ITGB1: variants seen among roughly 807,000 people sequenced by gnomAD.
The protein encoded by ITGB1 is integrin subunit beta 1.
A neutral mutation model predicts 86.5 loss-of-function variants in ITGB1; 24 were observed. The ratio of observed to expected loss-of-function variants is 0.28; its 90% CI spans 0.20 to 0.39. The LOEUF (loss-of-function observed/expected upper bound fraction) is 0.39, where lower values mean the gene tolerates loss of function less well. ITGB1 is among the 10% of genes least tolerant of loss of function. The pLI is 1.00. For synonymous variants in ITGB1, 323 were observed against 316.8 expected, an observed-to-expected ratio of 1.02 and a Z score of -0.21; for missense variants, 556 against 946.9, an observed-to-expected ratio of 0.59 and a Z score of 5.42.
At chr10:32,919,278 A>G (rs578162540) in intron 11 of ITGB1, among the ~76,000 whole-genome samples, 60 of 152,334 alleles carry the variant, frequency 3.9e-4, no homozygotes, top group Non-Finnish European at 6.6e-4. Context: ...TATTCAATGT[A>G]TACTCAGTTT....
chr10:32,906,502 A>C, intron 15 of ITGB1: 1 of 225,178 alleles, frequency 4.4e-6, no homozygotes, highest in South Asian at 4.3e-5. Context: ...AGGCAGGAGA[A>C]TTGCTGGAAT....
intron 3 of ITGB1, among the ~76,000 whole-genome samples, chr10:32,931,296 C>G (rs902679958): frequency 6.6e-6 from 1 of 151,962 alleles, no homozygotes; most frequent in Non-Finnish European, 1.5e-5. Flanking sequence ...ATTCAGAAAG[C>G]CTTTAAAATT....
rs377042646 is a variant in ITGB1, at chr10:32,911,967, T to C, written c.1627A>G (p.Asn543Asp). ...CGQCVCRKRD[N>D]TNEIYSGKFC... Reference sequence around the variant, plus strand: ...TTGCCAGAATAAATTTCATTTGTATTATCCCTCTTCCTACAAACACACTGT... The same window carrying C: ...TTGCCAGAATAAATTTCATTTGTATCATCCCTCTTCCTACAAACACACTGT... The change falls in exon 12 of 16, where the codon AAT becomes GAT. Residue 543 changes from asparagine to aspartate, a missense_variant. This residue lies in a region of ITGB1 where 330 missense variants were observed against 531.5 expected (regional missense o/e 0.62). Transcript: ENST00000302278. The C allele has an allele frequency of 2.5e-6, 4 of 1,614,034 alleles. No homozygotes were observed. Among genetic ancestry groups the C allele is most frequent in the Admixed American group, 3.3e-5 (2 of 60,000 alleles).
At chr10:32,951,095 G>C (rs2095041773) in intron 1 of ITGB1, among the ~76,000 whole-genome samples, 1 of 152,092 alleles carries the variant, frequency 6.6e-6, no homozygotes, top group South Asian at 2.1e-4. Context: ...GACTTCCACA[G>C]AACAAAAAGT....
chr10:32,906,192 T>C (rs1422432754), intron 15 of ITGB1, among the ~76,000 whole-genome samples: 1 of 152,226 alleles, frequency 6.6e-6, no homozygotes, highest in Non-Finnish European at 1.5e-5. Context: ...TTGCATACCA[T>C]ACAAATATCA....
intron 1 of ITGB1, among the ~76,000 whole-genome samples, chr10:32,952,847 C>T (rs939311739): frequency 6.6e-5 from 10 of 152,138 alleles, no homozygotes; most frequent in African/African-American, 2.2e-4. Flanking sequence ...TAGTGCCCAG[C>T]AGAGTGAATG....
At chr10:32,902,364 CT>C (rs1217158907) in intron 15 of ITGB1, among the ~76,000 whole-genome samples, 1 of 152,194 alleles carries the variant, frequency 6.6e-6, no homozygotes, top group Non-Finnish European at 1.5e-5. Context: ...CAAAAATATA[CT>C]GACAGTGATG....
intron 15 of ITGB1, among the ~76,000 whole-genome samples, chr10:32,905,771 T>C (rs2094894527): frequency 6.6e-6 from 1 of 152,200 alleles, no homozygotes; most frequent in South Asian, 2.1e-4. Context: ...CACAGTGATT[T>C]TTATGTAAGT....
At position 32,910,151 on chromosome 10, in the gene ITGB1, T is replaced by G. The variant is rs530657082; in HGVS notation, c.2164+72A>C. ...ATTCCAGCTGGAGGCTGTTTCTGGA[T>G]GTTAGGCCTAAATAAGCAGAAACAA... On this transcript the variant is annotated intron_variant, in intron 14 of 15. Transcript: ENST00000302278. The G allele has an allele frequency of 1.5e-4, 166 of 1,133,634 alleles. 1 individual carries two copies. In the African/African-American group the frequency reaches 2.2e-3, roughly 15 times the overall value. The allele number at this position is 1,133,634 out of a possible 1,614,324, so 70.2% of individuals were successfully genotyped here.
chr10:32,944,078 G>GA (rs1335101707), intron 1 of ITGB1, among the ~76,000 whole-genome samples: 1 of 152,204 alleles, frequency 6.6e-6, no homozygotes, highest in Non-Finnish European at 1.5e-5. Context: ...AGCCGCAGGG[G>GA]AAAAAGCAAA....
At chr10:32,916,688 A>C (rs72468120) in intron 11 of ITGB1, among the ~76,000 whole-genome samples, 14,391 of 152,210 alleles carry the variant, frequency 0.095, 872 homozygotes, top group Admixed American at 0.2. Context: ...AACGAAATAA[A>C]AGAGGACTCA....
chr10:32,947,585 T>C (rs1419769935), intron 1 of ITGB1, among the ~76,000 whole-genome samples: 2 of 152,198 alleles, frequency 1.3e-5, no homozygotes, highest in Non-Finnish European at 2.9e-5. Context: ...TTGACTTGCC[T>C]TATAAATTGT....
At chr10:32,938,673 G>C (rs139062995) in intron 1 of ITGB1, among the ~76,000 whole-genome samples, 1 of 152,356 alleles carries the variant, frequency 6.6e-6, no homozygotes, top group African/African-American at 2.4e-5. Flanking sequence ...AAGGCCAGCA[G>C]CTGGAAACAG....
At chr10:32,905,633 A>C (rs1036178760) in intron 15 of ITGB1, among the ~76,000 whole-genome samples, 1 of 152,208 alleles carries the variant, frequency 6.6e-6, no homozygotes, top group Non-Finnish European at 1.5e-5. Flanking sequence ...TCTCTGACTA[A>C]CCAGCCGTGG....
At chr10:32,912,327 C>A (rs964168822) in intron 11 of ITGB1, among the ~76,000 whole-genome samples, 1 of 152,146 alleles carries the variant, frequency 6.6e-6, no homozygotes, top group African/African-American at 2.4e-5. Flanking sequence ...GGAGTGTGAG[C>A]CGAAGCAGGG....
chr10:32,947,034 G>C (rs1235316295), intron 1 of ITGB1, among the ~76,000 whole-genome samples: 1 of 151,834 alleles, frequency 6.6e-6, no homozygotes, highest in Non-Finnish European at 1.5e-5. Context: ...GTAGAGACAG[G>C]GTTTTGCTAT....
chr10:32,946,327 T>A lies in ITGB1; in HGVS notation c.1-10769A>T, dbSNP rs1320271484. Among the ~76,000 whole-genome samples the A allele has an allele frequency of 3.3e-5, 5 of 152,156 alleles. No homozygotes were observed. In the East Asian group the frequency reaches 9.6e-4, roughly 29 times the overall value. On this transcript the variant is annotated intron_variant, in intron 1 of 15. Coordinates refer to ENST00000302278, the MANE Select transcript of ITGB1 (RefSeq NM_002211.4). ...ATGATTCGTAAACAAGGTGTGCCAA[T>A]AAAAAGAATTCACAGGATAGGTTAA...
chr10:32,920,817 CA>C (rs5784311), intron 9 of ITGB1, among the ~76,000 whole-genome samples: 33 of 139,566 alleles, frequency 2.4e-4, no homozygotes, highest in African/African-American at 3.5e-4. Flanking sequence ...CGCTAAAATA[CA>C]AAAAAAAAAA....
chr10:32,918,425 T>TA (rs910196910), intron 11 of ITGB1, among the ~76,000 whole-genome samples: 2 of 152,008 alleles, frequency 1.3e-5, no homozygotes, highest in African/African-American at 2.4e-5. Context: ...AATAAAACTA[T>TA]AAAAAATCTC....
Sources: allele counts gnomAD v4.1 joint callset (sites outside exome capture counted in the v4.1 genomes callset), GRCh38; gene constraint gnomAD v4.1.1; regional missense constraint gnomAD v4.1.1; transcripts MANE v1.5; gene names NCBI Gene and HGNC (gene_info 2026-07-23, HGNC 2026-07-21).